PDK1: variants seen among roughly 807,000 people sequenced by gnomAD.
PDK1 encodes the protein pyruvate dehydrogenase kinase 1.
Under a neutral mutation model 54.2 loss-of-function variants are expected in PDK1, and 39 were observed. The observed-to-expected ratio is 0.72, with a 90% CI of 0.56 to 0.94. The LOEUF is 0.94. Ranked by LOEUF, PDK1 falls within the 40% of genes least tolerant of loss-of-function variation. The probability of loss-of-function intolerance (pLI) is 0.00; values close to 1 mark genes in which losing one functional copy is unlikely to be tolerated. For missense variants in PDK1, 552 were observed against 566.0 expected (o/e 0.98, Z 0.25); for synonymous variants, 221 against 207.1 (o/e 1.07, Z -0.58).
the PDK1 span, among the ~76,000 whole-genome samples, chr2:172,699,130 T>C: frequency 6.6e-6 from 1 of 152,242 alleles, no homozygotes; most frequent in African/African-American, 2.4e-5. Flanking sequence ...AGAATTATTA[T>C]AGCCATAATA....
At chr2:172,713,850 G>T in the PDK1 span, among the ~76,000 whole-genome samples, 2 of 152,222 alleles carry the variant, frequency 1.3e-5, no homozygotes, top group Non-Finnish European at 2.9e-5. Flanking sequence ...TCCATGGAGC[G>T]CACAGCCCTG....
chr2:172,622,652 CATGTGAGATATGTTTATATCTCATATATT>C, the PDK1 span, among the ~76,000 whole-genome samples: 408 of 126,676 alleles, frequency 3.2e-3, 4 homozygotes, highest in Non-Finnish European at 5.2e-3. Context: ...GTTTATATCT[CATGTGAGATATGTTTATATCTCATATATT>C]ATGTGAGATA....
At chr2:172,656,178 A>T in the PDK1 span, among the ~76,000 whole-genome samples, 1 of 152,346 alleles carries the variant, frequency 6.6e-6, no homozygotes, top group Middle Eastern at 3.4e-3. Context: ...GTGGTTTCAG[A>T]ATCTCTAAGT....
In PDK1 at chr2:172,570,627, A is replaced by G; in HGVS notation, c.847-99A>G. On this transcript the variant is annotated intron_variant, in intron 7 of 10. Transcript: ENST00000282077. ...AATTGTGATTCTTTGGCATATTTCCATCAAATTTTAAAACTTCAAATAGTG... is the reference window on the plus strand; with the variant it reads ...AATTGTGATTCTTTGGCATATTTCCGTCAAATTTTAAAACTTCAAATAGTG... The G allele has an allele frequency of 8.6e-6, 5 of 578,862 alleles. No individual in the cohort carries two copies. The South Asian group carries it at 1.6e-4, about 18-fold the overall frequency. 35.9% of individuals were successfully genotyped at this position (578,862 alleles called of 1,614,324 possible).
Position 172,564,639 on chromosome 2 carries a change from C to T in PDK1, c.547C>T (p.Arg183Ter), listed in dbSNP as rs139326921. 7.4e-6 allele frequency: 12 copies of T among 1,613,868 alleles called. No individual in the cohort carries two copies. Among genetic ancestry groups the T allele is most frequent in the South Asian group, 1.1e-5 (1 of 91,084 alleles). ...TSQNVQYFLDRFYMSRISIRM... is the reference protein window; with the variant it reads ...TSQNVQYFLD Reference sequence around the variant, plus strand: ...CCAGAATGTTCAGTACTTTTTGGATCGATTCTACATGAGTCGCATTTCAAT... The same window carrying T: ...CCAGAATGTTCAGTACTTTTTGGATTGATTCTACATGAGTCGCATTTCAAT... The change falls in exon 4 of 11, where the codon CGA becomes TGA. Residue 183 changes from arginine to a stop codon, truncating the protein, a stop_gained. Transcript: ENST00000282077. LOFTEE classifies it high-confidence loss of function.
chr2:172,614,915 T>C, the PDK1 span, among the ~76,000 whole-genome samples: 447 of 152,362 alleles, frequency 2.9e-3, no homozygotes, highest in Middle Eastern at 0.014. Context: ...TTTTAAGTTG[T>C]ATTAATTCTT....
At chr2:172,670,326 A>G in the PDK1 span, among the ~76,000 whole-genome samples, 1 of 152,256 alleles carries the variant, frequency 6.6e-6, no homozygotes, top group Non-Finnish European at 1.5e-5. Context: ...GAACATTTCC[A>G]TAATTTGAAC....
chr2:172,647,091 A>G, the PDK1 span, among the ~76,000 whole-genome samples: 1 of 152,134 alleles, frequency 6.6e-6, no homozygotes, highest in Non-Finnish European at 1.5e-5. Context: ...CACTTTGAGT[A>G]GCAAAATTTA....
At chr2:172,703,776 T>TTC in the PDK1 span, among the ~76,000 whole-genome samples, 5 of 137,474 alleles carry the variant, frequency 3.6e-5, no homozygotes, top group Non-Finnish European at 6.3e-5. Context: ...CTTTTTTTTT[T>TTC]TTTTTTTTTT....
the PDK1 span, among the ~76,000 whole-genome samples, chr2:172,660,054 C>A: frequency 3.3e-5 from 5 of 152,008 alleles, 1 homozygote; most frequent in Admixed American, 3.3e-4. Context: ...GTCTGGTAAC[C>A]AGCTTAGGCA....
the PDK1 span, among the ~76,000 whole-genome samples, chr2:172,631,803 C>T: frequency 6.6e-6 from 1 of 152,184 alleles, no homozygotes; most frequent in Non-Finnish European, 1.5e-5. Context: ...GTCTCTTGGC[C>T]TGTAGCATGA....
Position 172,599,655 on chromosome 2 carries a change from A to G in PDK1, c.*3686A>G, listed in dbSNP as rs1691046668. On this transcript the variant is annotated 3_prime_UTR_variant, in exon 11 of 11. Transcript: ENST00000282077. Reference sequence around the variant, plus strand: ...TGCATGTTAAAAAAAGCAAACCACTAGTTTGCTTAGTTCTGGCATTCATAA... The same window carrying G: ...TGCATGTTAAAAAAAGCAAACCACTGGTTTGCTTAGTTCTGGCATTCATAA... 6.6e-6 allele frequency: 1 copy of G among 152,208 alleles called. No homozygotes were observed. Among genetic ancestry groups the G allele is most frequent in the South Asian group, 2.1e-4 (1 of 4,832 alleles). 9.4% of individuals were successfully genotyped at this position (152,208 alleles called of 1,614,324 possible). A position where few individuals can be genotyped will look rare whatever the true frequency, so the allele number is the denominator to read the frequency against.
intron 1 of PDK1, 105 bp downstream of exon 1, chr2:172,556,451 C>A: frequency 1.3e-6 from 1 of 763,196 alleles, no homozygotes; most frequent in Non-Finnish European, 1.9e-6. Context: ...GCCTGAGGCG[C>A]ACCCCTCCTC....
the PDK1 span, among the ~76,000 whole-genome samples, chr2:172,658,155 A>G: frequency 6.6e-6 from 1 of 152,136 alleles, no homozygotes; most frequent in Non-Finnish European, 1.5e-5. Context: ...ACCTCCCATT[A>G]GGCTCCACCT....
Position 172,564,484 on chromosome 2 carries a change from G to T in PDK1, c.411-19G>T. ...ACTTGTCAAAATATTTGGCTGTTTT[G>T]ACAGATGGGTTTGTTTAGCTTTACA... On this transcript the variant is annotated intron_variant, in intron 3 of 10. Transcript: ENST00000282077. The T allele has an allele frequency of 6.3e-7, 1 of 1,593,316 alleles. No individual in the cohort carries two copies. Among genetic ancestry groups the T allele is most frequent in the South Asian group, 1.1e-5 (1 of 89,644 alleles).
chr2:172,614,402 C>T, the PDK1 span, among the ~76,000 whole-genome samples: 144 of 152,326 alleles, frequency 9.5e-4, 1 homozygote, highest in African/African-American at 3.2e-3. Flanking sequence ...TTCCTCCTCT[C>T]TGAGGTCCGT....
the PDK1 span, among the ~76,000 whole-genome samples, chr2:172,668,397 T>C: frequency 1.3e-5 from 2 of 152,044 alleles, no homozygotes; most frequent in East Asian, 3.9e-4. Context: ...CCCCCAGTAA[T>C]GATCTGTGAA....
At chr2:172,641,619 T>A in the PDK1 span, among the ~76,000 whole-genome samples, 3 of 152,020 alleles carry the variant, frequency 2.0e-5, no homozygotes, top group Non-Finnish European at 4.4e-5. Flanking sequence ...TTTTTTTGAC[T>A]TTTTAGTACA....
the PDK1 span, among the ~76,000 whole-genome samples, chr2:172,697,533 T>G: frequency 6.6e-6 from 1 of 152,312 alleles, no homozygotes; most frequent in African/African-American, 2.4e-5. Context: ...ATACACGTGC[T>G]GAGCAGTGAT....
Sources: allele counts gnomAD v4.1 joint callset (sites outside exome capture counted in the v4.1 genomes callset), GRCh38; gene constraint gnomAD v4.1.1; transcripts MANE v1.5; gene names NCBI Gene and HGNC (gene_info 2026-07-23, HGNC 2026-07-21).